Variants in IGSF21 observed in about 807,000 individuals in gnomAD.
IGSF21 encodes the protein immunoglobin superfamily member 21.
IGSF21 carries 28 observed loss-of-function variants against 46.8 expected under a neutral mutation model. The observed-to-expected ratio is 0.60, with a 90% CI of 0.44 to 0.82. The LOEUF (loss-of-function observed/expected upper bound fraction) is 0.82. IGSF21 is among the 40% of genes least tolerant of loss of function. The pLI is 0.00. For synonymous variants in IGSF21, 284 were observed against 273.6 expected, an observed-to-expected ratio of 1.04 and a Z score of -0.38; for missense variants, 624 against 665.5, an observed-to-expected ratio of 0.94 and a Z score of 0.69.
At position 18,337,104 on chromosome 1, in the gene IGSF21, T is replaced by A. The variant is rs2085777016; in HGVS notation, c.424+2094T>A. 1.3e-5 allele frequency among the ~76,000 whole-genome samples: 2 copies of A among 152,140 alleles called. No individual in the cohort carries two copies. The highest frequency in any genetic ancestry group is 4.1e-4 in the South Asian group (2 of 4,828). ...CACAGCCAAACCATATCATGTATCA[T>A]CAGAGGGTTGACCAGACCATCCTAC... is the stretch of plus-strand genomic sequence containing the variant. On this transcript the variant is annotated intron_variant, in intron 4 of 9. Coordinates refer to ENST00000251296, the MANE Select transcript of IGSF21 (RefSeq NM_032880.5). The surrounding 1 kb of genome is among the most constrained non-coding windows in gnomAD (Gnocchi z 5.7).
intron 6 of IGSF21, among the ~76,000 whole-genome samples, chr1:18,366,537 G>A (rs2086166474): frequency 6.6e-6 from 1 of 152,208 alleles, no homozygotes; most frequent in South Asian, 2.1e-4. Context: ...TCAGAGGACA[G>A]TTGCTGCATA....
At chr1:18,188,706 A>T (rs2086927196) in intron 1 of IGSF21, among the ~76,000 whole-genome samples, 1 of 152,158 alleles carries the variant, frequency 6.6e-6, no homozygotes, top group Non-Finnish European at 1.5e-5. Flanking sequence ...CATGTGTGTT[A>T]GCTCCTCTAG....
At chr1:18,369,071 A>C (rs2124635693) in intron 6 of IGSF21, among the ~76,000 whole-genome samples, 1 of 152,284 alleles carries the variant, frequency 6.6e-6, no homozygotes, top group South Asian at 2.1e-4. Flanking sequence ...ACTCATAAGC[A>C]GTGGGCCTGG....
At chr1:18,156,799 G>A (rs1444963198) in intron 1 of IGSF21, among the ~76,000 whole-genome samples, 5 of 152,182 alleles carry the variant, frequency 3.3e-5, no homozygotes, top group Non-Finnish European at 7.4e-5. Context: ...CAGGTGTGAG[G>A]CTGGAAGTGA....
chr1:18,294,891 CG>C (rs1214564510), intron 3 of IGSF21, among the ~76,000 whole-genome samples: 2 of 152,240 alleles, frequency 1.3e-5, no homozygotes, highest in African/African-American at 4.8e-5. Context: ...GGGCTGGCGA[CG>C]GGGCGCGGGA....
chr1:18,241,930 A>C lies in IGSF21; in HGVS notation c.183+13920A>C, dbSNP rs189313892. 4.6e-4 allele frequency among the ~76,000 whole-genome samples: 70 copies of C among 152,020 alleles called. 1 individual carries two copies. In the East Asian group the frequency reaches 0.01, roughly 22 times the overall value. ...CCCCTTAGAGCAGCCCAGCCTTCTC[A>C]CTCTAAGCTGATGGAGTGGTCTGGA... On this transcript the variant is annotated intron_variant, in intron 2 of 9. Coordinates refer to ENST00000251296, the MANE Select transcript of IGSF21 (RefSeq NM_032880.5).
At chr1:18,110,030 C>T (rs1170482082) in intron 1 of IGSF21, 12 of 152,286 alleles carry the variant, frequency 7.9e-5, no homozygotes, top group Admixed American at 7.2e-4. Context: ...CAGGGTTCTT[C>T]TGGCTGCCCG....
chr1:18,258,937 G>A (rs560879597), intron 2 of IGSF21, among the ~76,000 whole-genome samples: 13 of 152,206 alleles, frequency 8.5e-5, no homozygotes, highest in Non-Finnish European at 1.8e-4. Context: ...ATCTGAGTTT[G>A]ATGGTGGACA....
intron 2 of IGSF21, among the ~76,000 whole-genome samples, chr1:18,248,854 G>A (rs959934538): frequency 7.2e-5 from 11 of 152,250 alleles, no homozygotes; most frequent in African/African-American, 2.6e-4. Flanking sequence ...ATGCAGAGCA[G>A]GTAGGCCTGA....
In IGSF21 at chr1:18,322,219, G is replaced by A. The variant is rs1557642883; in HGVS notation, c.306-12673G>A. On this transcript the variant is annotated intron_variant, in intron 3 of 9. Transcript: ENST00000251296. This position sits in a 1 kb window ranked among gnomAD's most constrained non-coding sequence, Gnocchi z 4.3. ...TACACTGATGAACGAGGCCTGCATC[G>A]GCTCCTGGAACTCAAGGGCGAGGGA... Among the ~76,000 whole-genome samples, 1 of 152,230 alleles carries A rather than the reference G, an allele frequency of 6.6e-6. No individual in the cohort carries two copies. Among genetic ancestry groups the A allele is most frequent in the Admixed American group, 6.5e-5 (1 of 15,300 alleles).
chr1:18,273,038 T>TC (rs2085057956), intron 2 of IGSF21, among the ~76,000 whole-genome samples: 1 of 138,502 alleles, frequency 7.2e-6, no homozygotes, highest in East Asian at 2.0e-4. Context: ...GCCAGACGGA[T>TC]CTTTTTTTTT....
At chr1:18,328,325 G>A (rs963998428) in intron 3 of IGSF21, among the ~76,000 whole-genome samples, 1 of 152,092 alleles carries the variant, frequency 6.6e-6, no homozygotes, top group Non-Finnish European at 1.5e-5. Flanking sequence ...CCAACACAAA[G>A]CCCATTTTGT....
rs78015800 is a variant in IGSF21 at position 18,234,412 on chromosome 1, A to G, written c.183+6402A>G. On this transcript the variant is annotated intron_variant, in intron 2 of 9. Transcript: ENST00000251296. ...CAAACAATAGTTGATTTTACAACAA[A>G]TGTAATAACACATAAACAGGAAATA... is the stretch of plus-strand genomic sequence containing the variant. 3.9e-3 allele frequency among the ~76,000 whole-genome samples: 597 copies of G among 152,384 alleles called. 17 individuals carry two copies. The South Asian group carries it at 0.077, about 20-fold the overall frequency.
chr1:18,369,552 G>A (rs990697952), intron 6 of IGSF21, among the ~76,000 whole-genome samples: 4 of 152,188 alleles, frequency 2.6e-5, no homozygotes, highest in African/African-American at 4.8e-5. Flanking sequence ...TGAGCCAGGG[G>A]ATATGACCAG....
At chr1:18,222,947 G>A (rs1259781323) in intron 1 of IGSF21, among the ~76,000 whole-genome samples, 2 of 152,164 alleles carry the variant, frequency 1.3e-5, no homozygotes, top group African/African-American at 4.8e-5. Context: ...GTTGATTGGT[G>A]CTGTCATAGC....
Position 18,337,583 on chromosome 1 carries a change from G to A in IGSF21, c.424+2573G>A, listed in dbSNP as rs556430117. ...CTCTGGGAACACAGCTTCACGCACC[G>A]TGGCAACCTGGAAGCCAGGGTGTGT... On this transcript the variant is annotated intron_variant, in intron 4 of 9. Transcript: ENST00000251296. This position sits in a 1 kb window ranked among gnomAD's most constrained non-coding sequence, Gnocchi z 5.7. Among the ~76,000 whole-genome samples, 46 of 152,228 alleles carry A rather than the reference G, an allele frequency of 3.0e-4. No individual in the cohort carries two copies. The highest frequency in any genetic ancestry group is 3.4e-3 in the Middle Eastern group (1 of 294).
In IGSF21 at chr1:18,365,781, G is replaced by A; in HGVS notation, c.1015+84G>A. 1 of 1,161,202 alleles carries A rather than the reference G, an allele frequency of 8.6e-7. No homozygotes were observed. Among genetic ancestry groups the A allele is most frequent in the Non-Finnish European group, 1.2e-6 (1 of 821,176 alleles). 71.9% of individuals were successfully genotyped at this position (1,161,202 alleles called of 1,614,324 possible). The stretch of plus-strand genomic sequence containing the variant: ...CTTGGAATAGGGTTCCTGGGCTGAG[G>A]ACAGCCATGGAAAGGGGGAGGAGAT... On this transcript the variant is annotated intron_variant, in intron 6 of 9. Coordinates refer to ENST00000251296, the MANE Select transcript of IGSF21 (RefSeq NM_032880.5). This position sits in a 1 kb window ranked among gnomAD's most constrained non-coding sequence, Gnocchi z 4.8.
intron 1 of IGSF21, among the ~76,000 whole-genome samples, chr1:18,224,820 T>C (rs1368490838): frequency 1.3e-5 from 2 of 152,084 alleles, no homozygotes; most frequent in South Asian, 4.1e-4. Flanking sequence ...ATTCTAGCAC[T>C]TTGGGAGGCC....
At chr1:18,229,214 C>A (rs532351891) in intron 2 of IGSF21, among the ~76,000 whole-genome samples, 1 of 152,172 alleles carries the variant, frequency 6.6e-6, no homozygotes, top group South Asian at 2.1e-4. Flanking sequence ...AGTGATGGAG[C>A]ATGGAAGAGA....
Sources: allele counts gnomAD v4.1 joint callset (sites outside exome capture counted in the v4.1 genomes callset), GRCh38; gene constraint gnomAD v4.1.1; non-coding constraint Gnocchi (gnomAD v3.1); transcripts MANE v1.5; gene names NCBI Gene and HGNC (gene_info 2026-07-23, HGNC 2026-07-21).